The following EIF3H variants were observed in gnomAD, a reference collection of about 807,000 sequenced individuals.
EIF3H encodes eukaryotic translation initiation factor 3 subunit H, also known as eIF-3-gamma.
A neutral mutation model predicts 44.2 loss-of-function variants in EIF3H; 26 were observed. The observed-to-expected ratio is 0.59, with a 90% CI of 0.43 to 0.82. The LOEUF (loss-of-function observed/expected upper bound fraction) is 0.82, where lower values mean the gene tolerates loss of function less well. Among genes scored for constraint, EIF3H ranks in the 40% least tolerant of loss-of-function variants. The pLI is 0.00. For synonymous variants in EIF3H, 166 were observed against 151.9 expected (o/e 1.09, Z -0.68); for missense variants, 359 against 432.8 (o/e 0.83, Z 1.51).
intron 2 of EIF3H, among the ~76,000 whole-genome samples, chr8:116,716,409 T>C (rs1814659795): frequency 6.6e-6 from 1 of 152,122 alleles, no homozygotes; most frequent in Admixed American, 6.5e-5. Context: ...CCTATTCTGA[T>C]ACTTCCTAGG....
At chr8:116,739,381 T>C (rs777225146) in intron 1 of EIF3H, among the ~76,000 whole-genome samples, 1 of 152,246 alleles carries the variant, frequency 6.6e-6, no homozygotes, top group African/African-American at 2.4e-5. Flanking sequence ...CCGGGCGCCA[T>C]GGCTCACGCC....
intron 2 of EIF3H, 53 bp from the exon 3 acceptor site, chr8:116,659,033 C>A: frequency 6.8e-7 from 1 of 1,476,428 alleles, no homozygotes; most frequent in South Asian, 1.3e-5. Context: ...ATGATGTTAC[C>A]AACATCAAAA....
At chr8:116,699,801 TG>T (rs1009236424) in intron 2 of EIF3H, among the ~76,000 whole-genome samples, 8 of 148,832 alleles carry the variant, frequency 5.4e-5, no homozygotes, top group Non-Finnish European at 1.0e-4. Context: ...GCAGGTTTTT[TG>T]GTTTTTTTTG....
Position 116,689,391 on chromosome 8 carries a change from G to A in EIF3H, c.290-30411C>T, listed in dbSNP as rs192412709. On this transcript the variant is annotated intron_variant, in intron 2 of 7. Coordinates refer to ENST00000521861, the MANE Select transcript of EIF3H (RefSeq NM_003756.3). Reference sequence around the variant, plus strand: ...GCTACAGAATTGTACACTTTAAACGGGTGAACTATAGAGTATAATAATTAC... The same window carrying A: ...GCTACAGAATTGTACACTTTAAACGAGTGAACTATAGAGTATAATAATTAC... 2.6e-5 allele frequency among the ~76,000 whole-genome samples: 4 copies of A among 152,056 alleles called. No homozygotes were observed. The East Asian group carries it at 7.7e-4, about 29-fold the overall frequency.
exon 1 of EIF3H, chr8:116,765,632 T>A (rs1238439829): frequency 6.6e-6 from 1 of 152,258 alleles, no homozygotes; most frequent in Non-Finnish European, 1.5e-5. Context: ...TGTGCCTTCC[T>A]GTTACTGGCC....
In EIF3H at chr8:116,646,485, G is replaced by T; in HGVS notation, c.947C>A (p.Ser316Ter). ...GGCAACAATACCTGCAATGAGCAGC[G>T]AGTCCATCCTGGCAGGCGGCTGTGG... ...KPPQPPARMD[S>*]LLIAGQINTY... Residue 316 changes from serine (S) to a stop codon, truncating the protein, a stop_gained, in exon 7 of 8, where the codon TCG becomes TAG. Coordinates refer to ENST00000521861, the MANE Select transcript of EIF3H (RefSeq NM_003756.3). LOFTEE classifies it high-confidence loss of function. 1 of 1,614,184 alleles carries T rather than the reference G, an allele frequency of 6.2e-7. No homozygotes were observed. The highest frequency in any genetic ancestry group is 8.5e-7 in the Non-Finnish European group (1 of 1,180,034).
chr8:116,654,817 G>A (rs371711724), intron 5 of EIF3H, among the ~76,000 whole-genome samples: 7 of 151,948 alleles, frequency 4.6e-5, no homozygotes, highest in African/African-American at 1.2e-4. Context: ...AGTCCTACCC[G>A]TGCCAGAGCA....
intron 2 of EIF3H, among the ~76,000 whole-genome samples, chr8:116,685,601 T>C (rs915873781): frequency 1.6e-4 from 24 of 152,250 alleles, no homozygotes; most frequent in Admixed American, 3.3e-4. Context: ...TCTGCTTTTA[T>C]TTTTCAACCC....
chr8:116,736,163 A>G (rs1815035506), intron 1 of EIF3H, among the ~76,000 whole-genome samples: 1 of 152,240 alleles, frequency 6.6e-6, no homozygotes, highest in Non-Finnish European at 1.5e-5. Flanking sequence ...CATTTATATG[A>G]AATTCTAGAA....
chr8:116,664,338 T>C (rs1813632711), intron 2 of EIF3H, among the ~76,000 whole-genome samples: 1 of 152,224 alleles, frequency 6.6e-6, no homozygotes, highest in South Asian at 2.1e-4. Context: ...ATGAAAACAC[T>C]GAAAATAATA....
At chr8:116,734,547 C>T (rs1418105290) in intron 1 of EIF3H, among the ~76,000 whole-genome samples, 1 of 152,090 alleles carries the variant, frequency 6.6e-6, no homozygotes, top group African/African-American at 2.4e-5. Flanking sequence ...AATAACCCCA[C>T]CTACTGGCAG....
chr8:116,693,391 A>G (rs1281765937), intron 2 of EIF3H, among the ~76,000 whole-genome samples: 1 of 152,160 alleles, frequency 6.6e-6, no homozygotes, highest in Non-Finnish European at 1.5e-5. Flanking sequence ...AGTTTCAATC[A>G]CTTTTAAAAT....
chr8:116,653,179 G>C (rs534529174), intron 5 of EIF3H, among the ~76,000 whole-genome samples: 1 of 152,180 alleles, frequency 6.6e-6, no homozygotes, highest in Non-Finnish European at 1.5e-5. Context: ...TACTAAAACA[G>C]ACCCACTGTT....
At chr8:116,683,921 A>G (rs1434699372) in intron 2 of EIF3H, among the ~76,000 whole-genome samples, 1 of 152,198 alleles carries the variant, frequency 6.6e-6, no homozygotes, top group Non-Finnish European at 1.5e-5. Context: ...ATTTATTCAC[A>G]GTTTACTACA....
intron 2 of EIF3H, among the ~76,000 whole-genome samples, chr8:116,664,844 TA>T (rs1586439878): frequency 6.6e-6 from 1 of 152,188 alleles, no homozygotes. Flanking sequence ...CCAAATTATT[TA>T]AAAATACAAT....
intron 2 of EIF3H, among the ~76,000 whole-genome samples, chr8:116,696,671 G>A (rs924861375): frequency 6.6e-6 from 1 of 152,090 alleles, no homozygotes; most frequent in Non-Finnish European, 1.5e-5. Context: ...CAATGACTAA[G>A]GCTTCAGAAT....
intron 2 of EIF3H, among the ~76,000 whole-genome samples, chr8:116,687,536 T>A (rs59700246): frequency 0.04 from 6,085 of 152,212 alleles, 423 homozygotes; most frequent in African/African-American, 0.14. Flanking sequence ...CATTACTGTA[T>A]CACATAAAGA....
chr8:116,733,041 G>A (rs554445263), intron 1 of EIF3H, among the ~76,000 whole-genome samples: 2 of 152,186 alleles, frequency 1.3e-5, no homozygotes, highest in Admixed American at 6.5e-5. Flanking sequence ...CAGTACTTCT[G>A]ACCAACCAGT....
intron 2 of EIF3H, among the ~76,000 whole-genome samples, chr8:116,680,442 A>C (rs1231277479): frequency 1.4e-5 from 1 of 71,044 alleles, no homozygotes; most frequent in Non-Finnish European, 3.1e-5. Context: ...CTGTGTGGAT[A>C]GAAGTAGACA....
Sources: allele counts gnomAD v4.1 joint callset (sites outside exome capture counted in the v4.1 genomes callset), GRCh38; gene constraint gnomAD v4.1.1; transcripts MANE v1.5; gene names NCBI Gene and HGNC (gene_info 2026-07-23, HGNC 2026-07-21).